Variants in LYPLAL1 observed in about 807,000 individuals in gnomAD.
The protein encoded by LYPLAL1 is lysophospholipase-like protein 1.
A neutral mutation model predicts 19.7 loss-of-function variants in LYPLAL1; 23 were observed. The ratio of observed to expected loss-of-function variants is 1.17; its 90% CI spans 0.84 to 1.65. The LOEUF is 1.65. Ranked by LOEUF, LYPLAL1 falls within the 40% of genes most tolerant of loss-of-function variation. LYPLAL1 has a pLI of 0.00. For synonymous variants in LYPLAL1, 119 were observed against 96.3 expected, an observed-to-expected ratio of 1.24 and a Z score of -1.38; for missense variants, 355 against 279.4, an observed-to-expected ratio of 1.27 and a Z score of -1.93.
chr1:219,247,846 A>T, the LYPLAL1 span, among the ~76,000 whole-genome samples: 1 of 152,142 alleles, frequency 6.6e-6, no homozygotes, highest in African/African-American at 2.4e-5. Flanking sequence ...CATGGTGCTT[A>T]GTTGATTTTT....
At chr1:219,268,837 T>C in the LYPLAL1 span, among the ~76,000 whole-genome samples, 2,271 of 152,340 alleles carry the variant, frequency 0.015, 65 homozygotes, top group African/African-American at 0.052. Context: ...CAGTCTACCC[T>C]GTGTAAGGTG....
At chr1:219,320,437 T>A in the LYPLAL1 span, among the ~76,000 whole-genome samples, 2 of 152,202 alleles carry the variant, frequency 1.3e-5, no homozygotes, top group Non-Finnish European at 2.9e-5. Flanking sequence ...CTTTTTTAAA[T>A]TTAATTTAAT....
At chr1:219,377,768 C>T in the LYPLAL1 span, among the ~76,000 whole-genome samples, 826 of 151,846 alleles carry the variant, frequency 5.4e-3, 7 homozygotes, top group African/African-American at 0.019. Context: ...TTTAATGACC[C>T]GACTCTTACA....
At chr1:219,283,231 G>A in the LYPLAL1 span, among the ~76,000 whole-genome samples, 1 of 152,058 alleles carries the variant, frequency 6.6e-6, no homozygotes, top group Non-Finnish European at 1.5e-5. Flanking sequence ...TGACAACAGG[G>A]CATGTTCTTT....
intron 3 of LYPLAL1, among the ~76,000 whole-genome samples, chr1:219,205,176 T>C (rs1658453811): frequency 6.6e-6 from 1 of 151,242 alleles, no homozygotes; most frequent in South Asian, 2.1e-4. Flanking sequence ...GCTAACAAGG[T>C]GAAACCCCGT....
At chr1:219,307,714 GA>G in the LYPLAL1 span, among the ~76,000 whole-genome samples, 1 of 152,180 alleles carries the variant, frequency 6.6e-6, no homozygotes, top group African/African-American at 2.4e-5. Context: ...GACACAATGG[GA>G]GATAGTTTGA....
chr1:219,198,977 A>G (rs1485820526), intron 3 of LYPLAL1, among the ~76,000 whole-genome samples: 1 of 151,734 alleles, frequency 6.6e-6, no homozygotes, highest in Non-Finnish European at 1.5e-5. Flanking sequence ...TATATATATC[A>G]TAATATATGT....
chr1:219,391,865 A>G, the LYPLAL1 span, among the ~76,000 whole-genome samples: 1 of 152,138 alleles, frequency 6.6e-6, no homozygotes, highest in African/African-American at 2.4e-5. Flanking sequence ...TAAGACTTGC[A>G]CTTTTATTAA....
the LYPLAL1 span, among the ~76,000 whole-genome samples, chr1:219,226,440 C>T: frequency 1.3e-5 from 2 of 152,162 alleles, 1 homozygote; most frequent in South Asian, 4.1e-4. Flanking sequence ...CCCACTCTGT[C>T]CTTGGAAGAC....
intron 2 of LYPLAL1, among the ~76,000 whole-genome samples, chr1:219,190,902 C>T (rs1460256310): frequency 4.0e-5 from 6 of 151,350 alleles, no homozygotes; most frequent in South Asian, 2.1e-4. Context: ...GGGAGTTGCT[C>T]GTGAAGGGGC....
intron 3 of LYPLAL1, among the ~76,000 whole-genome samples, chr1:219,197,658 A>G (rs1657711795): frequency 6.6e-6 from 1 of 152,208 alleles, no homozygotes; most frequent in Non-Finnish European, 1.5e-5. Flanking sequence ...ACTTCTGCAC[A>G]GCAAAAGAAG....
the LYPLAL1 span, among the ~76,000 whole-genome samples, chr1:219,427,833 C>G: frequency 6.6e-6 from 1 of 152,108 alleles, no homozygotes; most frequent in African/African-American, 2.4e-5. Context: ...TTTAAGAGAT[C>G]CCAGCAAAGT....
At chr1:219,371,350 A>G in the LYPLAL1 span, among the ~76,000 whole-genome samples, 1 of 152,204 alleles carries the variant, frequency 6.6e-6, no homozygotes. Flanking sequence ...AGAGATAATC[A>G]TATCAAAGGA....
the LYPLAL1 span, among the ~76,000 whole-genome samples, chr1:219,321,544 A>C: frequency 3.9e-5 from 6 of 152,280 alleles, no homozygotes; most frequent in Admixed American, 3.9e-4. Flanking sequence ...GGTATTGCCT[A>C]GGTTTTCTTT....
rs1659054410 is a variant in LYPLAL1, at chr1:219,211,653, A to C, written c.639A>C (p.Leu213=). 1 of 1,613,420 alleles carries C rather than the reference A, an allele frequency of 6.2e-7. No individual in the cohort carries two copies. Among genetic ancestry groups the C allele is most frequent in the African/African-American group, 1.3e-5 (1 of 75,030 alleles). The change falls in exon 5 of 5, where the codon CTA becomes CTC. Residue 213 remains leucine (L), a synonymous_variant. Transcript: ENST00000366928. ...FHSFPNVYHE[L]SKTELDILKL... ...GTTTTCCAAATGTTTACCATGAGCT[A>C]AGCAAAACTGAGTTAGACATATTGA...
chr1:219,287,094 C>T, the LYPLAL1 span, among the ~76,000 whole-genome samples: 6 of 152,120 alleles, frequency 3.9e-5, no homozygotes, highest in Non-Finnish European at 7.3e-5. Flanking sequence ...CTTGAGGTAT[C>T]GGTTTGGGTT....
At chr1:219,260,984 C>G in the LYPLAL1 span, among the ~76,000 whole-genome samples, 7 of 151,884 alleles carry the variant, frequency 4.6e-5, no homozygotes, top group Non-Finnish European at 1.0e-4. Flanking sequence ...TTTCAATAAT[C>G]CTTGGGTCAC....
chr1:219,388,673 G>A, the LYPLAL1 span, among the ~76,000 whole-genome samples: 232 of 152,152 alleles, frequency 1.5e-3, 1 homozygote, highest in East Asian at 0.021. Context: ...TTGTCTCCTT[G>A]AATGCTCTGG....
At chr1:219,298,690 G>A in the LYPLAL1 span, among the ~76,000 whole-genome samples, 1 of 152,232 alleles carries the variant, frequency 6.6e-6, no homozygotes, top group Non-Finnish European at 1.5e-5. Context: ...TTTCAAAAGA[G>A]AGGATTTTTA....
Sources: allele counts gnomAD v4.1 joint callset (sites outside exome capture counted in the v4.1 genomes callset), GRCh38; gene constraint gnomAD v4.1.1; transcripts MANE v1.5; gene names NCBI Gene and HGNC (gene_info 2026-07-23, HGNC 2026-07-21).